ANKFY1: variants seen among roughly 807,000 people sequenced by gnomAD.
ANKFY1 encodes ankyrin repeat and FYVE domain containing 1, also known as ankyrin repeat and FYVE domain-containing protein 1.
ANKFY1 carries 47 observed loss-of-function variants against 128.3 expected under a neutral mutation model. The ratio of observed to expected loss-of-function variants is 0.37; its 90% CI spans 0.29 to 0.47. The LOEUF is 0.47. Among genes scored for constraint, ANKFY1 ranks in the 20% least tolerant of loss-of-function variants. The pLI is 1.00. For synonymous variants in ANKFY1, 553 were observed against 601.6 expected (o/e 0.92, Z 1.18); for missense variants, 1,222 against 1,510.6 (o/e 0.81, Z 3.17).
intron 14 of ANKFY1, 23 bp from the exon 15 acceptor site, chr17:4,182,372 A>C: frequency 6.7e-7 from 1 of 1,501,100 alleles, no homozygotes; most frequent in Non-Finnish European, 9.0e-7. Flanking sequence ...GCACACCCAA[A>C]CCAACGTTTG....
intron 1 of ANKFY1, among the ~76,000 whole-genome samples, chr17:4,263,253 C>T (rs1215857597): frequency 6.6e-6 from 1 of 152,206 alleles, no homozygotes; most frequent in Non-Finnish European, 1.5e-5. Flanking sequence ...GTGCACGAGA[C>T]CAGAGGGTAG....
At chr17:4,254,733 T>C (rs1968026586) in intron 1 of ANKFY1, among the ~76,000 whole-genome samples, 2 of 152,234 alleles carry the variant, frequency 1.3e-5, no homozygotes, top group African/African-American at 4.8e-5. Flanking sequence ...GCTAGATTAG[T>C]GTCAACATCA....
chr17:4,240,064 CTT>C (rs11290920), intron 2 of ANKFY1, among the ~76,000 whole-genome samples: 135 of 114,162 alleles, frequency 1.2e-3, no homozygotes, highest in Middle Eastern at 4.9e-3. Context: ...ATTAGCATGC[CTT>C]TTTTTTTTTT....
At chr17:4,186,144 C>T (rs762373085) in intron 11 of ANKFY1, among the ~76,000 whole-genome samples, 4 of 152,288 alleles carry the variant, frequency 2.6e-5, no homozygotes, top group South Asian at 4.1e-4. Flanking sequence ...TGCATGTGGG[C>T]GTGTCCACGT....
At chr17:4,253,146 A>G (rs4790596) in intron 1 of ANKFY1, among the ~76,000 whole-genome samples, 143,527 of 151,990 alleles carry the variant, frequency 0.94, 68,331 homozygotes, top group Non-Finnish European at 1. Flanking sequence ...GCTTGAACCC[A>G]GGAGGCAGAG....
chr17:4,203,110 T>C (rs1371411478), intron 7 of ANKFY1, among the ~76,000 whole-genome samples: 1 of 151,988 alleles, frequency 6.6e-6, no homozygotes, highest in Non-Finnish European at 1.5e-5. Flanking sequence ...ACAACTGATA[T>C]CAGAAGAGCA....
chr17:4,173,593 G>A (rs576491993), intron 20 of ANKFY1, 149 bp from the exon 21 acceptor site: 5 of 765,730 alleles, frequency 6.5e-6, no homozygotes, highest in Admixed American at 2.1e-5. Context: ...GGTCTTCACC[G>A]CCCTCAAGGA....
intron 11 of ANKFY1, among the ~76,000 whole-genome samples, chr17:4,185,840 G>A (rs1048510288): frequency 2.0e-5 from 3 of 152,044 alleles, no homozygotes; most frequent in South Asian, 2.1e-4. Context: ...TGGGAGAGCC[G>A]CGCAGCCCCC....
intron 3 of ANKFY1, chr17:4,222,634 T>C: frequency 2.0e-6 from 2 of 999,046 alleles, no homozygotes; most frequent in Non-Finnish European, 3.2e-6. Context: ...TTTTACCGTC[T>C]TAAATTTTAA....
rs1292965282 is a variant in ANKFY1, at chr17:4,178,863, A to C, written c.2592T>G (p.Ala864=). ...EAILKRESGA[A]EQVDNKGRNF... is the part of the protein sequence containing the mutation. ...TCAGGTGTTATTCACTCACCTGCTCAGCAGCCCCGGACTCTCGTTTGAGAA... is the reference window on the plus strand; with the variant it reads ...TCAGGTGTTATTCACTCACCTGCTCCGCAGCCCCGGACTCTCGTTTGAGAA... Residue 864 remains alanine, a synonymous_variant, in exon 18 of 25, where the codon GCT becomes GCG. Transcript: ENST00000341657. This position sits in a 1 kb window ranked among gnomAD's most constrained non-coding sequence, Gnocchi z 4.1. 1 of 1,614,222 alleles carries C rather than the reference A, an allele frequency of 6.2e-7. No homozygotes were observed. The highest frequency in any genetic ancestry group is 8.5e-7 in the Non-Finnish European group (1 of 1,180,036).
intron 14 of ANKFY1, 95 bp downstream of exon 14, chr17:4,183,303 T>C: frequency 6.8e-7 from 1 of 1,470,436 alleles, no homozygotes; most frequent in Middle Eastern, 2.0e-4. Context: ...CTAACTAATA[T>C]GAAACAAAAA....
chr17:4,231,858 G>A (rs1384958555), intron 3 of ANKFY1, among the ~76,000 whole-genome samples: 1 of 151,694 alleles, frequency 6.6e-6, no homozygotes, highest in African/African-American at 2.4e-5. Flanking sequence ...GATCACCTGA[G>A]GCCAGGAGGT....
chr17:4,176,966 C>T (rs2059420860), intron 19 of ANKFY1, among the ~76,000 whole-genome samples, 160 bp downstream of exon 19: 1 of 152,236 alleles, frequency 6.6e-6, no homozygotes, highest in African/African-American at 2.4e-5. Flanking sequence ...TCAGGACGTG[C>T]AGCCCTTGAC....
At chr17:4,236,033 G>A (rs1290284550) in intron 2 of ANKFY1, 143 bp from the exon 3 acceptor site, 7 of 616,762 alleles carry the variant, frequency 1.1e-5, no homozygotes, top group Non-Finnish European at 1.7e-5. Flanking sequence ...ATTCCTATAT[G>A]CTAGCACTGA....
At chr17:4,209,254 G>C (rs7221959) in intron 5 of ANKFY1, among the ~76,000 whole-genome samples, 8,231 of 152,280 alleles carry the variant, frequency 0.054, 490 homozygotes, top group African/African-American at 0.15. Context: ...CACAGATGGA[G>C]GGTGAAGGCA....
chr17:4,206,913 C>T (rs950377254), intron 6 of ANKFY1, among the ~76,000 whole-genome samples: 1 of 152,216 alleles, frequency 6.6e-6, no homozygotes, highest in African/African-American at 2.4e-5. Flanking sequence ...ACATACTTCG[C>T]TCCCATCTGT....
chr17:4,223,410 A>C, intron 3 of ANKFY1: 3 of 1,529,286 alleles, frequency 2.0e-6, no homozygotes, highest in Non-Finnish European at 2.7e-6. Flanking sequence ...GAAGTCATCC[A>C]CAAAGACCTG....
intron 7 of ANKFY1, among the ~76,000 whole-genome samples, chr17:4,200,944 C>G (rs772909978): frequency 1.3e-5 from 2 of 152,150 alleles, no homozygotes; most frequent in African/African-American, 4.8e-5. Flanking sequence ...AGGTCTGTTG[C>G]CTGTATTCCT....
At chr17:4,258,577 C>A (rs1968248144) in intron 1 of ANKFY1, among the ~76,000 whole-genome samples, 1 of 151,694 alleles carries the variant, frequency 6.6e-6, no homozygotes, top group Non-Finnish European at 1.5e-5. Flanking sequence ...CTTATTTCTA[C>A]CAGCCTCCAC....
Sources: allele counts gnomAD v4.1 joint callset (sites outside exome capture counted in the v4.1 genomes callset), GRCh38; gene constraint gnomAD v4.1.1; non-coding constraint Gnocchi (gnomAD v3.1); transcripts MANE v1.5; gene names NCBI Gene and HGNC (gene_info 2026-07-23, HGNC 2026-07-21).